Variants in ZNF704 observed in about 807,000 individuals in gnomAD.
ZNF704 encodes zinc finger protein 704.
ZNF704 carries 10 observed loss-of-function variants against 44.7 expected under a neutral mutation model. The observed-to-expected ratio is 0.22, with a 90% CI of 0.14 to 0.38. The LOEUF is 0.38. ZNF704 is among the 10% of genes least tolerant of loss of function. The pLI is 1.00. For synonymous variants in ZNF704, 211 were observed against 207.6 expected (o/e 1.02, Z -0.14); for missense variants, 390 against 545.5 (o/e 0.71, Z 2.84).
intron 2 of ZNF704, among the ~76,000 whole-genome samples, chr8:80,790,529 T>A (rs947514429): frequency 3.3e-5 from 5 of 152,104 alleles, no homozygotes; most frequent in Admixed American, 6.5e-5. Flanking sequence ...CAGACTTTTT[T>A]AAAAAACAAT....
chr8:80,847,924 C>T (rs1271702295), intron 1 of ZNF704, among the ~76,000 whole-genome samples: 1 of 152,104 alleles, frequency 6.6e-6, no homozygotes, highest in African/African-American at 2.4e-5. Context: ...AGCAATTGTA[C>T]TTTTAGGTGT....
At position 80,666,163 on chromosome 8, in the gene ZNF704, G is replaced by A. The variant is rs1348956023; in HGVS notation, c.660-1081C>T. Reference sequence around the variant, plus strand: ...CAGAGTGTGATATTCCCCTTCCTGTGTCCATGTGATCTCATTGTTCAATTC... The same window carrying A: ...CAGAGTGTGATATTCCCCTTCCTGTATCCATGTGATCTCATTGTTCAATTC... On this transcript the variant is annotated intron_variant, in intron 5 of 8. Transcript: ENST00000327835. 3.0e-5 allele frequency among the ~76,000 whole-genome samples: 4 copies of A among 133,984 alleles called. No individual in the cohort carries two copies. In the South Asian group the frequency reaches 7.0e-4, roughly 23 times the overall value. The allele number at this position is 133,984 out of a possible 152,430, so 87.9% of individuals were successfully genotyped here. A position where few individuals can be genotyped will look rare whatever the true frequency, so the allele number is the denominator to read the frequency against.
chr8:80,729,424 A>G (rs1206886981), intron 2 of ZNF704, among the ~76,000 whole-genome samples: 1 of 152,180 alleles, frequency 6.6e-6, no homozygotes, highest in Non-Finnish European at 1.5e-5. Context: ...GTAAGATAAC[A>G]TATAGTTCTG....
intron 2 of ZNF704, among the ~76,000 whole-genome samples, chr8:80,775,495 A>G (rs549896924): frequency 3.0e-4 from 46 of 152,356 alleles, no homozygotes; most frequent in African/African-American, 1.1e-3. Flanking sequence ...AGAAATTTTC[A>G]GCAAGTTATT....
At chr8:80,830,760 T>C (rs999316309) in intron 1 of ZNF704, among the ~76,000 whole-genome samples, 5 of 142,734 alleles carry the variant, frequency 3.5e-5, no homozygotes, top group Middle Eastern at 3.4e-3. Flanking sequence ...TTTCTTTTTT[T>C]TTTTTTTTTT....
intron 2 of ZNF704, among the ~76,000 whole-genome samples, chr8:80,803,775 A>G (rs1473403808): frequency 1.6e-4 from 25 of 152,216 alleles, no homozygotes. Context: ...AGGCACAGGC[A>G]AAGACTTCAT....
At position 80,709,140 on chromosome 8, in the gene ZNF704, T is replaced by C. The variant is rs1366770624; in HGVS notation, c.222-16033A>G. 2.0e-5 allele frequency among the ~76,000 whole-genome samples: 3 copies of C among 152,022 alleles called. No homozygotes were observed. In the East Asian group the frequency reaches 5.8e-4, roughly 29 times the overall value. On this transcript the variant is annotated intron_variant, in intron 2 of 8. Coordinates refer to ENST00000327835, the MANE Select transcript of ZNF704 (RefSeq NM_001033723.3). ...ATAAGCACGTGCTTTCCTTTGTAAG[T>C]AGGAAAAACTTCTAAAAGTTCAGGC...
intron 2 of ZNF704, among the ~76,000 whole-genome samples, chr8:80,808,721 T>C (rs933438516): frequency 6.6e-6 from 1 of 152,238 alleles, no homozygotes; most frequent in Admixed American, 6.5e-5. Flanking sequence ...TAAGACTAGC[T>C]ACCTGCTTAG....
chr8:80,671,529 C>A (rs1818278152), intron 4 of ZNF704, among the ~76,000 whole-genome samples: 1 of 152,158 alleles, frequency 6.6e-6, no homozygotes, highest in East Asian at 1.9e-4. Flanking sequence ...ACAGGAATAA[C>A]CATTCAACCA....
At chr8:80,653,788 G>A (rs1817962556) in intron 7 of ZNF704, among the ~76,000 whole-genome samples, 1 of 152,170 alleles carries the variant, frequency 6.6e-6, no homozygotes, top group East Asian at 1.9e-4. Flanking sequence ...TAGATTCAAT[G>A]TCATCCCCAT....
chr8:80,658,542 C>T (rs895812103), intron 7 of ZNF704: 1 of 152,174 alleles, frequency 6.6e-6, no homozygotes, highest in African/African-American at 2.4e-5. Context: ...CAGAAGTTAC[C>T]ACTATTCAAT....
chr8:80,664,956 C>T lies in ZNF704; in HGVS notation c.786G>A (p.Leu262=). Residue 262 remains leucine (L), a synonymous_variant, in exon 6 of 9, where the codon CTG becomes CTA. Transcript: ENST00000327835. ...SLAPVSPSQS[L]ASPPTFPIPD... Reference sequence around the variant, plus strand: ...GGATGGGGAAAGTAGGAGGTGAAGCCAGGGACTGGGAAGGTGAGACCGGGG... The same window carrying T: ...GGATGGGGAAAGTAGGAGGTGAAGCTAGGGACTGGGAAGGTGAGACCGGGG... 1 of 1,614,166 alleles carries T rather than the reference C, an allele frequency of 6.2e-7. No individual in the cohort carries two copies. The highest frequency in any genetic ancestry group is 8.5e-7 in the Non-Finnish European group (1 of 1,180,024).
chr8:80,728,587 T>C (rs936211548), intron 2 of ZNF704, among the ~76,000 whole-genome samples: 5 of 152,170 alleles, frequency 3.3e-5, no homozygotes, highest in Non-Finnish European at 7.3e-5. Context: ...AACTGTTCCA[T>C]GTTGTATTTA....
chr8:80,770,724 C>T (rs761378135), intron 2 of ZNF704, among the ~76,000 whole-genome samples: 5 of 152,138 alleles, frequency 3.3e-5, no homozygotes, highest in African/African-American at 7.2e-5. Flanking sequence ...TACAGTTTTT[C>T]GTTTTAGGGA....
At position 80,629,361 on chromosome 8, in the gene ZNF704, A is replaced by G. The variant is rs1413495138; in HGVS notation, c.*12005T>C. 3 of 152,344 alleles carry G rather than the reference A, an allele frequency of 2.0e-5. No individual in the cohort carries two copies. The East Asian group carries it at 5.8e-4, about 29-fold the overall frequency. The allele number at this position is 152,344 out of a possible 1,614,324, so 9.4% of individuals were successfully genotyped here. On this transcript the variant is annotated 3_prime_UTR_variant, in exon 9 of 9. Coordinates refer to ENST00000327835, the MANE Select transcript of ZNF704 (RefSeq NM_001033723.3). ...CTTCCCCAATAACTTCTAATTAGGTAGCAAACAATCCAGTATAACCTTAAG... is the reference window on the plus strand; with the variant it reads ...CTTCCCCAATAACTTCTAATTAGGTGGCAAACAATCCAGTATAACCTTAAG...
chr8:80,804,180 G>A (rs1297437901), intron 2 of ZNF704, among the ~76,000 whole-genome samples: 1 of 152,080 alleles, frequency 6.6e-6, no homozygotes, highest in Non-Finnish European at 1.5e-5. Flanking sequence ...AAGAACAATA[G>A]ATGCTGGTGA....
chr8:80,818,722 T>C (rs1808216528), intron 2 of ZNF704, among the ~76,000 whole-genome samples: 1 of 152,206 alleles, frequency 6.6e-6, no homozygotes, highest in Non-Finnish European at 1.5e-5. Flanking sequence ...TTTCCTTGTA[T>C]TGATAAATTT....
Position 80,724,764 on chromosome 8 carries a change from CA to C in ZNF704, c.222-31658del, listed in dbSNP as rs527333909. Among the ~76,000 whole-genome samples the C allele has an allele frequency of 5.9e-5, 9 of 152,294 alleles. No individual in the cohort carries two copies. The East Asian group carries it at 1.5e-3, about 26-fold the overall frequency. Reference sequence around the variant, plus strand: ...GATTTTTCACCACCACTGCCTAATTCAGGCACTCATTGTCTCTCTGCCGAGT... The same window carrying C: ...GATTTTTCACCACCACTGCCTAATTCGGCACTCATTGTCTCTCTGCCGAGT... On this transcript the variant is annotated intron_variant, in intron 2 of 8. Transcript: ENST00000327835.
chr8:80,675,217 G>A (rs1818344844), intron 4 of ZNF704, among the ~76,000 whole-genome samples: 1 of 152,214 alleles, frequency 6.6e-6, no homozygotes, highest in Non-Finnish European at 1.5e-5. Flanking sequence ...AAGAGCTAGA[G>A]TTTTCCAGGC....
Sources: allele counts gnomAD v4.1 joint callset (sites outside exome capture counted in the v4.1 genomes callset), GRCh38; gene constraint gnomAD v4.1.1; transcripts MANE v1.5; gene names NCBI Gene and HGNC (gene_info 2026-07-23, HGNC 2026-07-21).